The following CDIN1 variants were observed in gnomAD, a reference collection of about 807,000 sequenced individuals.
The protein encoded by CDIN1 is CDAN1-interacting nuclease 1.
A neutral mutation model predicts 45.3 loss-of-function variants in CDIN1; 33 were observed. The observed-to-expected ratio is 0.73, with a 90% CI of 0.55 to 0.97. The LOEUF (loss-of-function observed/expected upper bound fraction) is 0.97, where lower values mean the gene tolerates loss of function less well. Ranked by LOEUF, CDIN1 falls within the 50% of genes least tolerant of loss-of-function variation. The probability of loss-of-function intolerance (pLI) is 0.00; values close to 1 mark genes in which losing one functional copy is unlikely to be tolerated. For missense variants in CDIN1, 303 were observed against 339.4 expected (o/e 0.89, Z 0.84); for synonymous variants, 118 against 124.4 (o/e 0.95, Z 0.34).
chr15:36,582,963 T>C (rs577555871), intron 1 of CDIN1, among the ~76,000 whole-genome samples: 27 of 152,358 alleles, frequency 1.8e-4, no homozygotes, highest in Admixed American at 1.8e-3. Context: ...ACCTGTTTGG[T>C]ATCCTTTGCC....
At chr15:36,701,550 TC>T (rs1382545880) in intron 8 of CDIN1, among the ~76,000 whole-genome samples, 2 of 152,166 alleles carry the variant, frequency 1.3e-5, no homozygotes, top group Non-Finnish European at 2.9e-5. Context: ...AAACCATCCA[TC>T]TTTTATGGGT....
chr15:36,657,885 AG>A lies in CDIN1; in HGVS notation c.328del (p.Glu110AsnfsTer12). ...CGGCTTATACTGGAGAGGTTTCTAC[AG>A]GAACACGAGGAAACTCCACGTGAGT... The part of the protein sequence containing the change: ...MARLILERFL[Q>X]EHEETPPSKS... On this transcript the variant is annotated frameshift_variant, in exon 5 of 11. Transcript: ENST00000566621. LOFTEE classifies it high-confidence loss of function. 6.2e-7 allele frequency: 1 copy of A among 1,611,806 alleles called. No homozygotes were observed. The highest frequency in any genetic ancestry group is 8.5e-7 in the Non-Finnish European group (1 of 1,178,874).
At chr15:36,703,941 T>A (rs529728936) in intron 8 of CDIN1, among the ~76,000 whole-genome samples, 1 of 152,292 alleles carries the variant, frequency 6.6e-6, no homozygotes, top group South Asian at 2.1e-4. Flanking sequence ...TCCAATCCAC[T>A]TGTTTTGATT....
intron 10 of CDIN1, among the ~76,000 whole-genome samples, chr15:36,795,265 TA>T (rs2054765573): frequency 6.6e-6 from 1 of 152,220 alleles, no homozygotes; most frequent in Admixed American, 6.5e-5. Context: ...GTGTACTGTG[TA>T]TTTCAAAATA....
intron 1 of CDIN1, among the ~76,000 whole-genome samples, chr15:36,586,348 G>A (rs1287402765): frequency 6.6e-6 from 1 of 151,980 alleles, no homozygotes; most frequent in Admixed American, 6.6e-5. Context: ...ACTTTTTCAT[G>A]AAGCAGTTAT....
chr15:36,709,924 G>T lies in CDIN1; in HGVS notation c.679G>T (p.Ala227Ser), dbSNP rs943756931. ...ATTTGGTGATGAATGTAGCCACCAC[G>T]CCTACCTGCATGACCAGTTCTGGAG... ...ASFGDECSHHAYLHDQFWSYW... is the reference protein window; with the variant it reads ...ASFGDECSHHSYLHDQFWSYW... Residue 227 changes from alanine (A) to serine (S), a missense_variant, in exon 10 of 11, where the codon GCC (alanine) becomes TCC (serine). Transcript: ENST00000566621. 2.5e-5 allele frequency: 41 copies of T among 1,613,202 alleles called. No homozygotes were observed. The highest frequency in any genetic ancestry group is 3.3e-5 in the Non-Finnish European group (39 of 1,179,366).
At chr15:36,621,872 G>GTTTTTGT (rs1555385099) in intron 1 of CDIN1, among the ~76,000 whole-genome samples, 11 of 142,398 alleles carry the variant, frequency 7.7e-5, no homozygotes, top group Admixed American at 2.1e-4. Flanking sequence ...AACAAGTTCA[G>GTTTTTGT]TTTTTTTTTT....
Position 36,659,193 on chromosome 15 carries a change from G to C in CDIN1, c.346+1288G>C, listed in dbSNP as rs2040894946. 2.0e-5 allele frequency among the ~76,000 whole-genome samples: 3 copies of C among 152,224 alleles called. No homozygotes were observed. The South Asian group carries it at 6.2e-4, about 32-fold the overall frequency. ...GAGCAGTATCAAACACAGTAAAACA[G>C]AATTCATTGACTTGTGAATTATGAA... On this transcript the variant is annotated intron_variant, in intron 5 of 10. Transcript: ENST00000566621.
chr15:36,799,614 TCTGTTA>T (rs2054942858), intron 10 of CDIN1: 1 of 152,230 alleles, frequency 6.6e-6, no homozygotes, highest in Non-Finnish European at 1.5e-5. Flanking sequence ...CTCTAATTAG[TCTGTTA>T]CTGTGAACCC....
intron 5 of CDIN1, among the ~76,000 whole-genome samples, chr15:36,687,973 T>C (rs62002328): frequency 2.0e-5 from 3 of 152,182 alleles, no homozygotes; most frequent in Middle Eastern, 3.4e-3. Context: ...GTGTAAACTA[T>C]AAATGAATGA....
chr15:36,618,713 C>G (rs1317895754), intron 1 of CDIN1: 6 of 785,922 alleles, frequency 7.6e-6, no homozygotes, highest in Non-Finnish European at 9.4e-6. Context: ...AGTATGAGTA[C>G]CAGTTCTCCA....
Position 36,639,910 on chromosome 15 carries a change from G to A in CDIN1, c.102-4368G>A, listed in dbSNP as rs557549350. On this transcript the variant is annotated intron_variant, in intron 1 of 10. Coordinates refer to ENST00000566621, the MANE Select transcript of CDIN1 (RefSeq NM_001321759.2). ...GTTGCCATCTACCTAATCATTTATGGGGATATTTGCTGTGGTTAGGCATAA... is the reference window on the plus strand; with the variant it reads ...GTTGCCATCTACCTAATCATTTATGAGGATATTTGCTGTGGTTAGGCATAA... 5.3e-5 allele frequency among the ~76,000 whole-genome samples: 8 copies of A among 152,146 alleles called. No homozygotes were observed. In the South Asian group the frequency reaches 1.7e-3, roughly 32 times the overall value.
At chr15:36,647,134 C>G (rs1001172058) in intron 3 of CDIN1, among the ~76,000 whole-genome samples, 6 of 149,336 alleles carry the variant, frequency 4.0e-5, no homozygotes, top group Non-Finnish European at 7.4e-5. Flanking sequence ...GGCAATCCTA[C>G]TGCCTCAGTC....
chr15:36,799,791 G>C (rs931625540), intron 10 of CDIN1: 1 of 152,148 alleles, frequency 6.6e-6, no homozygotes, highest in Non-Finnish European at 1.5e-5. Context: ...ATAGGTAAAT[G>C]CAGAGGGGCT....
rs751884329 is a variant in CDIN1 at position 36,709,568 on chromosome 15, G to T, written c.610+280G>T. Among the ~76,000 whole-genome samples, 6 of 152,116 alleles carry T rather than the reference G, an allele frequency of 3.9e-5. 1 individual carries two copies. Among genetic ancestry groups the T allele is most frequent in the Non-Finnish European group, 8.8e-5 (6 of 68,008 alleles). On this transcript the variant is annotated intron_variant, in intron 9 of 10. Transcript: ENST00000566621. ...TAAACATAGATCTCTTGAAAAGCCA[G>T]ACTCATTTTGGTCTGCTTGACATGG...
At chr15:36,781,290 A>C (rs1349328364) in intron 10 of CDIN1, among the ~76,000 whole-genome samples, 1 of 152,176 alleles carries the variant, frequency 6.6e-6, no homozygotes, top group Non-Finnish European at 1.5e-5. Context: ...TGCTTGTAGA[A>C]ATAAGAATAG....
At chr15:36,802,898 A>G (rs1043606968) in intron 10 of CDIN1, among the ~76,000 whole-genome samples, 5 of 152,140 alleles carry the variant, frequency 3.3e-5, no homozygotes, top group African/African-American at 1.2e-4. Context: ...TTTTTAAAAC[A>G]TTCTTGGTGA....
At chr15:36,703,285 T>G in intron 8 of CDIN1, among the ~76,000 whole-genome samples, 1 of 101,634 alleles carries the variant, frequency 9.8e-6, no homozygotes, top group African/African-American at 4.9e-5. Context: ...ATCTATCAGA[T>G]ATATACATAT....
At chr15:36,628,342 TTAG>T (rs1445912817) in intron 1 of CDIN1, among the ~76,000 whole-genome samples, 2 of 152,232 alleles carry the variant, frequency 1.3e-5, no homozygotes, top group Admixed American at 1.3e-4. Flanking sequence ...CTTCTTTTAC[TTAG>T]TAGAGCACAT....
Sources: gnomAD v4.1 joint callset for allele counts (sites outside exome capture counted in the v4.1 genomes callset) on GRCh38, gnomAD v4.1.1 for gene constraint, MANE v1.5 for transcripts, NCBI Gene and HGNC (gene_info 2026-07-23, HGNC 2026-07-21) for gene names.